Variants in RPH3AL observed in about 807,000 individuals in gnomAD.
RPH3AL encodes the protein rab effector Noc2.
Under a neutral mutation model 43.1 loss-of-function variants are expected in RPH3AL, and 38 were observed. The ratio of observed to expected loss-of-function variants is 0.88; its 90% CI spans 0.68 to 1.15. The LOEUF (loss-of-function observed/expected upper bound fraction) is 1.15, where lower values mean the gene tolerates loss of function less well. Among genes scored for constraint, RPH3AL ranks in the 50% most tolerant of loss-of-function variants. RPH3AL has a pLI of 0.00. For missense variants in RPH3AL, 462 were observed against 423.2 expected (o/e 1.09, Z -0.81); for synonymous variants, 189 against 176.3 (o/e 1.07, Z -0.57).
chr17:227,472 TG>T (rs56223402), intron 7 of RPH3AL, among the ~76,000 whole-genome samples: 152,295 of 152,296 alleles, frequency 1, 76,147 homozygotes, highest in Non-Finnish European at 1. Flanking sequence ...AGCACTGCGC[TG>T]GGGATGTGGG....
intron 5 of RPH3AL, among the ~76,000 whole-genome samples, chr17:284,630 C>T (rs1295319460): frequency 2.6e-5 from 4 of 152,048 alleles, no homozygotes; most frequent in East Asian, 3.9e-4. Flanking sequence ...GCAGGAGGCC[C>T]GGCAGCCTCT....
chr17:242,596 C>T (rs1327540997), intron 7 of RPH3AL, among the ~76,000 whole-genome samples: 1 of 141,292 alleles, frequency 7.1e-6, no homozygotes, highest in Non-Finnish European at 1.5e-5. Flanking sequence ...TGACTACCTT[C>T]CTCTATTGAT....
chr17:314,282 C>A (rs1330405674), intron 5 of RPH3AL, among the ~76,000 whole-genome samples: 2 of 152,166 alleles, frequency 1.3e-5, no homozygotes, highest in African/African-American at 2.4e-5. Flanking sequence ...GGCCCCTATA[C>A]CTGGAATATT....
intron 1 of RPH3AL, among the ~76,000 whole-genome samples, chr17:343,189 G>C (rs2045161434): frequency 6.6e-6 from 1 of 152,144 alleles, no homozygotes; most frequent in Admixed American, 6.5e-5. Flanking sequence ...GTGTCCACAG[G>C]CGACACACCA....
rs530641068 is a variant in RPH3AL, at chr17:294,605, C to A, written c.352-12751G>T. Reference sequence around the variant, plus strand: ...ATGGATGGACAGAGGGAATGCACATCAGTGTGGGAGGGACACAGATGCTGC... The same window carrying A: ...ATGGATGGACAGAGGGAATGCACATAAGTGTGGGAGGGACACAGATGCTGC... On this transcript the variant is annotated intron_variant, in intron 5 of 9. Transcript: ENST00000331302. 3.6e-4 allele frequency among the ~76,000 whole-genome samples: 48 copies of A among 133,104 alleles called. 1 individual carries two copies. The highest frequency in any genetic ancestry group is 1.1e-3 in the South Asian group (4 of 3,698). The allele number at this position is 133,104 out of a possible 152,430, so 87.3% of individuals were successfully genotyped here. A position where few individuals can be genotyped will look rare whatever the true frequency, so the allele number is the denominator to read the frequency against.
At chr17:318,393 A>G (rs1256064016) in intron 5 of RPH3AL, among the ~76,000 whole-genome samples, 2 of 152,188 alleles carry the variant, frequency 1.3e-5, no homozygotes, top group African/African-American at 4.8e-5. Context: ...GGGGGTGGAA[A>G]AAAGCATGAC....
At chr17:316,952 A>C in intron 5 of RPH3AL, among the ~76,000 whole-genome samples, 1 of 122,654 alleles carries the variant, frequency 8.2e-6, no homozygotes, top group South Asian at 2.7e-4. Flanking sequence ...ATTGACCTGT[A>C]GTCTCTCTAC....
chr17:331,930 G>C (rs2044780093), intron 2 of RPH3AL: 1 of 1,230,180 alleles, frequency 8.1e-7, no homozygotes, highest in Non-Finnish European at 1.1e-6. Flanking sequence ...CCTTATAGAA[G>C]GTGAGTGGAA....
chr17:291,306 G>A (rs991918145), intron 5 of RPH3AL, among the ~76,000 whole-genome samples: 2 of 152,168 alleles, frequency 1.3e-5, no homozygotes, highest in African/African-American at 2.4e-5. Context: ...TTGGGAGGCC[G>A]AGGTGGGGGG....
At chr17:324,307 C>A (rs1032503998) in intron 3 of RPH3AL, among the ~76,000 whole-genome samples, 1 of 152,212 alleles carries the variant, frequency 6.6e-6, no homozygotes, top group Non-Finnish European at 1.5e-5. Context: ...GGGCCCCAGT[C>A]ATCCACGTCC....
At chr17:267,490 C>A (rs1324892361) in intron 6 of RPH3AL, among the ~76,000 whole-genome samples, 6 of 152,364 alleles carry the variant, frequency 3.9e-5, no homozygotes, top group South Asian at 2.1e-4. Flanking sequence ...ATTCCCAGGA[C>A]AACAAATGTG....
At position 225,001 on chromosome 17, in the gene RPH3AL, T is replaced by C. The variant is rs1297711012; in HGVS notation, c.614-5265A>G. On this transcript the variant is annotated intron_variant, in intron 7 of 9. Transcript: ENST00000331302. The surrounding 1 kb of genome is among the most constrained non-coding windows in gnomAD (Gnocchi z 4.4). Reference sequence around the variant, plus strand: ...AGGGGGGAGGGATAGCGTTAGGAGATATACCTAATGTAAATGACGAGTTAA... The same window carrying C: ...AGGGGGGAGGGATAGCGTTAGGAGACATACCTAATGTAAATGACGAGTTAA... Among the ~76,000 whole-genome samples the C allele has an allele frequency of 2.0e-5, 3 of 149,844 alleles. No individual in the cohort carries two copies. The highest frequency in any genetic ancestry group is 6.7e-5 in the Admixed American group (1 of 14,976).
intron 6 of RPH3AL, among the ~76,000 whole-genome samples, chr17:248,838 A>G (rs907011253): frequency 6.6e-6 from 1 of 152,346 alleles, no homozygotes; most frequent in South Asian, 2.1e-4. Flanking sequence ...GAAAGTTGGA[A>G]GTACTCAACA....
In RPH3AL at chr17:298,542, CA is replaced by C. The variant is rs111403979; in HGVS notation, c.352-16689del. Among the ~76,000 whole-genome samples, 1,112 of 142,870 alleles carry C rather than the reference CA, an allele frequency of 7.8e-3. 8 individuals are homozygous for C. Among genetic ancestry groups the C allele is most frequent in the African/African-American group, 0.017 (654 of 38,960 alleles). 93.7% of individuals were successfully genotyped at this position (142,870 alleles called of 152,430 possible). ...CGAAACCCCATCTCTACTAAAAATA[CA>C]AAAAAAAAAAAATTAGCCAGGCATG... is the stretch of plus-strand genomic sequence containing the variant. On this transcript the variant is annotated intron_variant, in intron 5 of 9. Transcript: ENST00000331302.
intron 6 of RPH3AL, among the ~76,000 whole-genome samples, chr17:259,631 G>A (rs1042051463): frequency 6.6e-6 from 1 of 152,168 alleles, no homozygotes; most frequent in Non-Finnish European, 1.5e-5. Context: ...GGCTCCCCAC[G>A]TGTGGTTTGC....
In RPH3AL at chr17:250,581, A is replaced by C. The variant is rs114505220; in HGVS notation, c.439-3296T>G. 7.9e-3 allele frequency among the ~76,000 whole-genome samples: 516 copies of C among 65,352 alleles called. 3 individuals carry two copies. The highest frequency in any genetic ancestry group is 0.022 in the Middle Eastern group (2 of 92). 42.9% of individuals were successfully genotyped at this position (65,352 alleles called of 152,430 possible). On this transcript the variant is annotated intron_variant, in intron 6 of 9. Transcript: ENST00000331302. Reference sequence around the variant, plus strand: ...CTTCTCAGAGTCTTTACTAAGCTCTATCACTGCGGGACCTCTCAGGGCCTT... The same window carrying C: ...CTTCTCAGAGTCTTTACTAAGCTCTCTCACTGCGGGACCTCTCAGGGCCTT...
intron 1 of RPH3AL, among the ~76,000 whole-genome samples, chr17:346,113 C>T (rs1452109764): frequency 7.4e-6 from 1 of 134,994 alleles, no homozygotes; most frequent in African/African-American, 2.5e-5. Flanking sequence ...CAGGTTTTAA[C>T]AACCCCATTG....
At position 306,168 on chromosome 17, in the gene RPH3AL, C is replaced by A. The variant is rs770374880; in HGVS notation, c.351+13252G>T. Among the ~76,000 whole-genome samples, 91 of 152,092 alleles carry A rather than the reference C, an allele frequency of 6.0e-4. 1 individual carries two copies. The highest frequency in any genetic ancestry group is 3.7e-3 in the Admixed American group (57 of 15,282). On this transcript the variant is annotated intron_variant, in intron 5 of 9. Transcript: ENST00000331302. ...GAGCCACTGCGCCCGACTTCCCCAG[C>A]CCCTTTCTGACCCACAGCCTGGGAT... is the stretch of plus-strand genomic sequence containing the variant.
In RPH3AL at chr17:303,525, G is replaced by A. The variant is rs938965146; in HGVS notation, c.351+15895C>T. On this transcript the variant is annotated intron_variant, in intron 5 of 9. Coordinates refer to ENST00000331302, the MANE Select transcript of RPH3AL (RefSeq NM_006987.4). The stretch of plus-strand genomic sequence containing the variant: ...TTTTAATAATTATTGAGCAGTGACC[G>A]TGTTTCAGGAAAGAGATGGGGAGGG... Among the ~76,000 whole-genome samples, 10 of 130,850 alleles carry A rather than the reference G, an allele frequency of 7.6e-5. 1 individual carries two copies. The highest frequency in any genetic ancestry group is 2.5e-4 in the South Asian group (1 of 3,928). The allele number at this position is 130,850 out of a possible 152,430, so 85.8% of individuals were successfully genotyped here. A position where few individuals can be genotyped will look rare whatever the true frequency, so the allele number is the denominator to read the frequency against.
Sources: gnomAD v4.1 joint callset for allele counts (sites outside exome capture counted in the v4.1 genomes callset) on GRCh38, gnomAD v4.1.1 for gene constraint, Gnocchi (gnomAD v3.1) non-coding constraint, MANE v1.5 for transcripts, NCBI Gene and HGNC (gene_info 2026-07-23, HGNC 2026-07-21) for gene names.